FBXL17: variants seen among roughly 807,000 people sequenced by gnomAD.
FBXL17 encodes F-box/LRR-repeat protein 17.
In FBXL17, 22 loss-of-function variants were observed where a neutral mutation model predicts 66.2. The ratio of observed to expected loss-of-function variants is 0.33; its 90% confidence interval spans 0.24 to 0.47. The LOEUF (loss-of-function observed/expected upper bound fraction) is 0.47. FBXL17 is among the 20% of genes least tolerant of loss of function. FBXL17 has a pLI of 1.00. For missense variants in FBXL17, 878 were observed against 948.2 expected (o/e 0.93, Z 0.97); for synonymous variants, 474 against 400.5 (o/e 1.18, Z -2.19).
intron 4 of FBXL17, among the ~76,000 whole-genome samples, chr5:108,257,850 C>T (rs1044868180): frequency 7.9e-5 from 12 of 151,924 alleles, no homozygotes; most frequent in African/African-American, 1.5e-4. Flanking sequence ...GTACCTGGAC[C>T]GAGGAACTAA....
intron 6 of FBXL17, among the ~76,000 whole-genome samples, chr5:108,036,513 T>C (rs1746847057): frequency 6.6e-6 from 1 of 152,186 alleles, no homozygotes; most frequent in Admixed American, 6.5e-5. Flanking sequence ...TTGCAACCCC[T>C]ACGAATACCA....
chr5:107,864,699 T>C (rs1377325063), intron 8 of FBXL17, among the ~76,000 whole-genome samples: 5 of 152,154 alleles, frequency 3.3e-5, no homozygotes, highest in Non-Finnish European at 7.4e-5. Context: ...AGCCTCACCA[T>C]GTGACATGCT....
At chr5:108,299,632 A>AAAAAATAAT (rs1758497979) in intron 4 of FBXL17, 17 of 974,102 alleles carry the variant, frequency 1.7e-5, no homozygotes, top group Non-Finnish European at 1.6e-5. Context: ...TTCAAAATGC[A>AAAAAATAAT]AAAAATAATA....
chr5:108,276,374 C>A (rs1166468885), intron 4 of FBXL17, among the ~76,000 whole-genome samples: 1 of 152,086 alleles, frequency 6.6e-6, no homozygotes, highest in Non-Finnish European at 1.5e-5. Flanking sequence ...TTGCATTTTT[C>A]CTTGCTTCAG....
chr5:108,129,197 A>G (rs1369128438), intron 6 of FBXL17, among the ~76,000 whole-genome samples: 1 of 152,090 alleles, frequency 6.6e-6, no homozygotes, highest in Non-Finnish European at 1.5e-5. Context: ...AAAATGAGAA[A>G]ACCAAAAGAA....
intron 7 of FBXL17, among the ~76,000 whole-genome samples, chr5:107,986,352 A>T (rs1182790574): frequency 6.6e-6 from 1 of 151,882 alleles, no homozygotes; most frequent in Non-Finnish European, 1.5e-5. Flanking sequence ...ACCCTAGCAA[A>T]TTAATCTTTT....
At chr5:108,330,600 A>G (rs1175595929) in intron 4 of FBXL17, among the ~76,000 whole-genome samples, 2 of 152,350 alleles carry the variant, frequency 1.3e-5, no homozygotes, top group East Asian at 3.9e-4. Flanking sequence ...CGTAAAGCAA[A>G]GAAGTATAGT....
chr5:108,341,225 T>C (rs1241414936), intron 4 of FBXL17, among the ~76,000 whole-genome samples: 2 of 152,124 alleles, frequency 1.3e-5, no homozygotes, highest in Non-Finnish European at 2.9e-5. Flanking sequence ...AACATGCAAA[T>C]TGTAGACTCA....
intron 4 of FBXL17, among the ~76,000 whole-genome samples, chr5:108,228,221 G>A (rs1177974453): frequency 2.6e-5 from 4 of 152,152 alleles, no homozygotes; most frequent in Non-Finnish European, 5.9e-5. Context: ...GCAGGCTTGG[G>A]TATGTTTTAG....
chr5:107,949,915 A>G (rs1406993783), intron 7 of FBXL17, among the ~76,000 whole-genome samples: 1 of 152,142 alleles, frequency 6.6e-6, no homozygotes, highest in African/African-American at 2.4e-5. Context: ...TTTACGTTCT[A>G]CATGACTTCT....
chr5:108,086,947 G>C (rs1748997930), intron 6 of FBXL17, among the ~76,000 whole-genome samples: 1 of 152,132 alleles, frequency 6.6e-6, no homozygotes, highest in Non-Finnish European at 1.5e-5. Context: ...TTCCTTTCCT[G>C]GACTGGCTGG....
intron 4 of FBXL17, among the ~76,000 whole-genome samples, chr5:108,231,528 C>T (rs945028482): frequency 1.3e-5 from 2 of 152,112 alleles, no homozygotes; most frequent in Non-Finnish European, 2.9e-5. Flanking sequence ...CACCATTACC[C>T]GTAGTGATCC....
chr5:108,315,377 G>A (rs1186498252), intron 4 of FBXL17, among the ~76,000 whole-genome samples: 4 of 151,264 alleles, frequency 2.6e-5, no homozygotes, highest in African/African-American at 4.8e-5. Flanking sequence ...GCTTTTAAGC[G>A]ACAAGATGAA....
chr5:108,047,969 T>C (rs1400712617), intron 6 of FBXL17, among the ~76,000 whole-genome samples: 3 of 152,210 alleles, frequency 2.0e-5, no homozygotes, highest in Non-Finnish European at 2.9e-5. Flanking sequence ...ACAGATCCTG[T>C]TCCCCATGCC....
intron 6 of FBXL17, among the ~76,000 whole-genome samples, chr5:108,130,719 GA>G (rs1750899173): frequency 6.6e-6 from 1 of 151,870 alleles, no homozygotes; most frequent in South Asian, 2.1e-4. Context: ...AACTTTTATA[GA>G]CTGTCAATTG....
chr5:107,940,441 G>A (rs1468122787), intron 7 of FBXL17, among the ~76,000 whole-genome samples: 1 of 152,104 alleles, frequency 6.6e-6, no homozygotes, highest in Non-Finnish European at 1.5e-5. Flanking sequence ...GGTACAGAGA[G>A]GAGTGAATGT....
intron 4 of FBXL17, among the ~76,000 whole-genome samples, chr5:108,296,253 A>G (rs1758346016): frequency 6.6e-6 from 1 of 151,872 alleles, no homozygotes; most frequent in Non-Finnish European, 1.5e-5. Flanking sequence ...CATTAAGTGG[A>G]TAAGGAAAAA....
chr5:107,975,432 A>G (rs568229745), intron 7 of FBXL17, among the ~76,000 whole-genome samples: 2 of 152,308 alleles, frequency 1.3e-5, no homozygotes, highest in Non-Finnish European at 2.9e-5. Flanking sequence ...CATAATATGT[A>G]TTTTCACATC....
At chr5:108,291,234 C>T (rs1758100989) in intron 4 of FBXL17, among the ~76,000 whole-genome samples, 1 of 152,174 alleles carries the variant, frequency 6.6e-6, no homozygotes, top group Admixed American at 6.6e-5. Context: ...CTCTCAACTG[C>T]TCACACCAAC....
Sources: gnomAD v4.1 joint callset for allele counts (sites outside exome capture counted in the v4.1 genomes callset) on GRCh38, gnomAD v4.1.1 for gene constraint, MANE v1.5 for transcripts, NCBI Gene and HGNC (gene_info 2026-07-23, HGNC 2026-07-21) for gene names.